The following CNTN4 variants were observed in gnomAD, a reference collection of about 807,000 sequenced individuals.
CNTN4 encodes contactin-4.
Under a neutral mutation model 122.5 loss-of-function variants are expected in CNTN4, and 77 were observed. That is an observed-to-expected ratio of 0.63 (90% confidence interval 0.52 to 0.76). The LOEUF (loss-of-function observed/expected upper bound fraction) is 0.76. Ranked by LOEUF, CNTN4 falls within the 30% of genes least tolerant of loss-of-function variation. The probability of loss-of-function intolerance (pLI) is 0.00; values close to 1 mark genes in which losing one functional copy is unlikely to be tolerated. For missense variants in CNTN4, 1,256 were observed against 1,259.1 expected (o/e 1.00, Z 0.04); for synonymous variants, 512 against 447.0 (o/e 1.15, Z -1.83).
At chr3:2,175,431 G>A (rs1285859493) in intron 2 of CNTN4, among the ~76,000 whole-genome samples, 1 of 152,066 alleles carries the variant, frequency 6.6e-6, no homozygotes, top group Non-Finnish European at 1.5e-5. Flanking sequence ...TAGCACTTTG[G>A]TCCATTGTTA....
intron 4 of CNTN4, among the ~76,000 whole-genome samples, chr3:2,661,809 C>CAAA (rs544079802): frequency 2.8e-4 from 22 of 78,440 alleles, no homozygotes; most frequent in East Asian, 1.2e-3. Context: ...AATTCCATCT[C>CAAA]AAAAAAAAAA....
At chr3:2,955,667 T>C (rs566407666) in intron 13 of CNTN4, among the ~76,000 whole-genome samples, 22 of 152,332 alleles carry the variant, frequency 1.4e-4, no homozygotes, top group African/African-American at 4.6e-4. Flanking sequence ...CTGTGCTTCA[T>C]GCCAACATTT....
chr3:2,362,650 T>C (rs2045206089), intron 3 of CNTN4: 1 of 417,116 alleles, frequency 2.4e-6, no homozygotes, highest in South Asian at 2.0e-5. Flanking sequence ...GGATACCAAC[T>C]TGAGATCAAT....
chr3:2,177,318 G>A (rs1287657733), intron 2 of CNTN4, among the ~76,000 whole-genome samples: 2 of 152,046 alleles, frequency 1.3e-5, no homozygotes, highest in Non-Finnish European at 2.9e-5. Flanking sequence ...GAAGGTTAGC[G>A]ATTAAATATT....
intron 3 of CNTN4, among the ~76,000 whole-genome samples, chr3:2,374,959 T>G (rs918664768): frequency 6.6e-6 from 1 of 152,188 alleles, no homozygotes; most frequent in African/African-American, 2.4e-5. Flanking sequence ...TACCATAACC[T>G]ATTACTTATT....
chr3:2,754,371 T>A (rs2090234500), intron 6 of CNTN4, among the ~76,000 whole-genome samples: 1 of 152,182 alleles, frequency 6.6e-6, no homozygotes, highest in African/African-American at 2.4e-5. Flanking sequence ...TTGCTAATGG[T>A]AAAATTAAAT....
intron 20 of CNTN4, 144 bp from the exon 21 acceptor site, chr3:3,042,166 G>T (rs976606695): frequency 1.4e-5 from 10 of 692,196 alleles, no homozygotes; most frequent in Admixed American, 4.2e-5. Flanking sequence ...ATTAATCACT[G>T]CCCCTCTGCA....
intron 3 of CNTN4, among the ~76,000 whole-genome samples, chr3:2,427,890 C>T (rs560147490): frequency 1.3e-5 from 2 of 151,116 alleles, no homozygotes; most frequent in African/African-American, 4.8e-5. Flanking sequence ...ACTAAGATTG[C>T]AACCCCTGCC....
intron 2 of CNTN4, among the ~76,000 whole-genome samples, chr3:2,202,451 T>C (rs2038143377): frequency 6.6e-6 from 1 of 152,164 alleles, no homozygotes; most frequent in South Asian, 2.1e-4. Context: ...AGAGGCAGGA[T>C]TGTTAAAATA....
At chr3:2,752,594 G>A (rs1481480465) in intron 6 of CNTN4, among the ~76,000 whole-genome samples, 2 of 152,102 alleles carry the variant, frequency 1.3e-5, no homozygotes, top group African/African-American at 4.8e-5. Context: ...CAGGTGATCT[G>A]CCCATCTCGG....
At chr3:2,572,724 C>A (rs576029558) in intron 4 of CNTN4, among the ~76,000 whole-genome samples, 1 of 152,128 alleles carries the variant, frequency 6.6e-6, no homozygotes, top group Non-Finnish European at 1.5e-5. Flanking sequence ...TACTGAGTAC[C>A]GTGTCACAAG....
At chr3:2,920,006 A>C (rs1042918432) in intron 12 of CNTN4, among the ~76,000 whole-genome samples, 1 of 152,108 alleles carries the variant, frequency 6.6e-6, no homozygotes, top group Non-Finnish European at 1.5e-5. Context: ...GCCATACCTA[A>C]TCCTACTTGT....
chr3:2,950,772 C>T (rs933580396), intron 13 of CNTN4, among the ~76,000 whole-genome samples: 3 of 152,242 alleles, frequency 2.0e-5, no homozygotes, highest in Admixed American at 2.0e-4. Flanking sequence ...TTCCTGAATC[C>T]CAAGATAATC....
intron 3 of CNTN4, among the ~76,000 whole-genome samples, chr3:2,533,665 T>C (rs888539318): frequency 6.6e-6 from 1 of 152,222 alleles, no homozygotes; most frequent in African/African-American, 2.4e-5. Flanking sequence ...ATGGGATGGC[T>C]GGGTCAAATG....
chr3:2,924,665 G>A (rs1476782313), intron 12 of CNTN4, among the ~76,000 whole-genome samples: 3 of 152,256 alleles, frequency 2.0e-5, no homozygotes, highest in Non-Finnish European at 1.5e-5. Flanking sequence ...GTGTTAGCAT[G>A]AGTGAATTTT....
At chr3:2,478,408 G>GTTT (rs11369134) in intron 3 of CNTN4, among the ~76,000 whole-genome samples, 407 of 147,152 alleles carry the variant, frequency 2.8e-3, no homozygotes, top group African/African-American at 7.6e-3. Context: ...TTATCTGTTT[G>GTTT]TTTTTTTTTT....
At chr3:2,908,189 G>C (rs552454785) in intron 12 of CNTN4, among the ~76,000 whole-genome samples, 2 of 152,266 alleles carry the variant, frequency 1.3e-5, no homozygotes, top group East Asian at 3.9e-4. Flanking sequence ...TTGTAATCAT[G>C]GGGAAACTGA....
chr3:2,236,710 A>G (rs949090137), intron 2 of CNTN4, among the ~76,000 whole-genome samples: 6 of 152,182 alleles, frequency 3.9e-5, no homozygotes, highest in Non-Finnish European at 7.3e-5. Context: ...ATTTTTATTT[A>G]TTCACTTTAA....
chr3:2,357,068 A>C (rs1345949186), intron 3 of CNTN4, among the ~76,000 whole-genome samples: 1 of 152,210 alleles, frequency 6.6e-6, no homozygotes, highest in African/African-American at 2.4e-5. Context: ...AAGCGCTTAC[A>C]GACCACTTAG....
Sources: allele counts gnomAD v4.1 joint callset (sites outside exome capture counted in the v4.1 genomes callset), GRCh38; gene constraint gnomAD v4.1.1; transcripts MANE v1.5; gene names NCBI Gene and HGNC (gene_info 2026-07-23, HGNC 2026-07-21).